STAG1: variants seen among roughly 807,000 people sequenced by gnomAD.
STAG1 encodes the protein STAG1 cohesin complex component, also known as cohesin subunit SA-1.
A neutral mutation model predicts 170.9 loss-of-function variants in STAG1; 26 were observed. The observed-to-expected ratio is 0.15, with a 90% CI of 0.11 to 0.21. The LOEUF (loss-of-function observed/expected upper bound fraction) is 0.21, where lower values mean the gene tolerates loss of function less well. Among genes scored for constraint, STAG1 ranks in the 10% least tolerant of loss-of-function variants. The probability of loss-of-function intolerance (pLI) is 1.00; values close to 1 mark genes in which losing one functional copy is unlikely to be tolerated. For synonymous variants in STAG1, 514 were observed against 497.7 expected (o/e 1.03, Z -0.44); for missense variants, 964 against 1,509.5 (o/e 0.64, Z 5.99).
intron 21 of STAG1, among the ~76,000 whole-genome samples, chr3:136,404,863 A>ATGTGTGTG (rs34596713): frequency 8.1e-5 from 12 of 148,908 alleles, no homozygotes; most frequent in Admixed American, 1.3e-4. Context: ...TTATGCATAT[A>ATGTGTGTG]TGTGTGTGTG....
intron 2 of STAG1, among the ~76,000 whole-genome samples, chr3:136,629,774 C>A (rs907073447): frequency 3.3e-5 from 5 of 152,172 alleles, no homozygotes; most frequent in Admixed American, 3.3e-4. Flanking sequence ...GTGCTCATCA[C>A]TTTTATTATA....
chr3:136,611,901 G>A lies in STAG1; in HGVS notation c.133-7428C>T, dbSNP rs1939306671. On this transcript the variant is annotated intron_variant, in intron 3 of 33. Coordinates refer to ENST00000383202, the MANE Select transcript of STAG1 (RefSeq NM_005862.3). ...CTCGCTCTGTCGCCCAGGCTGAAGT[G>A]CAGTGGCGCGATCTCGGCTCACCGC... Among the ~76,000 whole-genome samples, 3 of 151,630 alleles carry A rather than the reference G, an allele frequency of 2.0e-5. No individual in the cohort carries two copies. In the South Asian group the frequency reaches 6.2e-4, roughly 32 times the overall value.
rs530952934 is a variant in STAG1 at position 136,469,907 on chromosome 3, G to A, written c.1205+2506C>T. On this transcript the variant is annotated intron_variant, in intron 12 of 33. Coordinates refer to ENST00000383202, the MANE Select transcript of STAG1 (RefSeq NM_005862.3). ...GGAAAGGATTCCCTATTTAATGAATGGTGCTGGGAAAACTGGCTAGCCACA... is the reference window on the plus strand; with the variant it reads ...GGAAAGGATTCCCTATTTAATGAATAGTGCTGGGAAAACTGGCTAGCCACA... Among the ~76,000 whole-genome samples, 5 of 152,302 alleles carry A rather than the reference G, an allele frequency of 3.3e-5. No homozygotes were observed. In the East Asian group the frequency reaches 9.6e-4, roughly 29 times the overall value.
At chr3:136,436,913 A>G (rs1340764408) in intron 15 of STAG1, among the ~76,000 whole-genome samples, 1 of 152,240 alleles carries the variant, frequency 6.6e-6, no homozygotes, top group Non-Finnish European at 1.5e-5. Context: ...TTATCTTAGG[A>G]AAAACAAATG....
chr3:136,352,189 TCTCA>T (rs1936459929), intron 28 of STAG1, among the ~76,000 whole-genome samples: 1 of 152,178 alleles, frequency 6.6e-6, no homozygotes. Context: ...TGAGATAAGG[TCTCA>T]CTCTGTCACC....
At chr3:136,377,788 C>T in intron 22 of STAG1, 36 bp from the exon 23 acceptor site, 1 of 1,547,004 alleles carries the variant, frequency 6.5e-7, no homozygotes, top group African/African-American at 1.4e-5. Flanking sequence ...GCGTGAATTA[C>T]AGGATCACAG....
At chr3:136,667,487 G>A (rs894123821) in intron 1 of STAG1, among the ~76,000 whole-genome samples, 1 of 152,112 alleles carries the variant, frequency 6.6e-6, no homozygotes, top group East Asian at 1.9e-4. Flanking sequence ...ATATGAAAAT[G>A]GTTTTCTTAG....
intron 22 of STAG1, among the ~76,000 whole-genome samples, chr3:136,382,902 T>C (rs1000699623): frequency 2.6e-5 from 4 of 152,208 alleles, no homozygotes; most frequent in African/African-American, 4.8e-5. Context: ...AGCACAGATA[T>C]TGTATACTTA....
At chr3:136,694,457 TA>T (rs564479365) in intron 1 of STAG1, among the ~76,000 whole-genome samples, 1 of 149,816 alleles carries the variant, frequency 6.7e-6, no homozygotes, top group Non-Finnish European at 1.5e-5. Flanking sequence ...CTCAACAAAA[TA>T]AAAAAAAATT....
intron 16 of STAG1, among the ~76,000 whole-genome samples, chr3:136,430,528 G>A (rs764058482): frequency 4.0e-5 from 6 of 150,910 alleles, no homozygotes; most frequent in Non-Finnish European, 7.4e-5. Flanking sequence ...ACTTAAATCA[G>A]GGGTATCCAA....
chr3:136,654,160 T>A (rs1005011686), intron 1 of STAG1, among the ~76,000 whole-genome samples: 12 of 152,078 alleles, frequency 7.9e-5, no homozygotes, highest in African/African-American at 2.9e-4. Flanking sequence ...GAAAAAGAAA[T>A]TAAAATAAAA....
chr3:136,463,790 CATAT>C (rs372374909), intron 13 of STAG1, among the ~76,000 whole-genome samples: 23,680 of 135,552 alleles, frequency 0.17, 2,498 homozygotes, highest in Middle Eastern at 0.24. Context: ...CACACACACA[CATAT>C]ACATATACAT....
At chr3:136,679,426 T>C (rs1942256085) in intron 1 of STAG1, among the ~76,000 whole-genome samples, 1 of 148,534 alleles carries the variant, frequency 6.7e-6, no homozygotes, top group Non-Finnish European at 1.5e-5. Context: ...CAAAAAAAAA[T>C]ACAAAAATTA....
intron 9 of STAG1, among the ~76,000 whole-genome samples, chr3:136,489,954 T>C (rs2090090954): frequency 6.6e-6 from 1 of 152,342 alleles, no homozygotes; most frequent in East Asian, 1.9e-4. Flanking sequence ...CCCGAAGAGC[T>C]GAAACTGTGT....
Position 136,447,786 on chromosome 3 carries a change from T to A in STAG1, c.1428+4247A>T, listed in dbSNP as rs142493574. 9.2e-3 allele frequency among the ~76,000 whole-genome samples: 1,404 copies of A among 151,812 alleles called. 28 individuals carry two copies. The highest frequency in any genetic ancestry group is 0.03 in the African/African-American group (1,254 of 41,368). Reference sequence around the variant, plus strand: ...GTGCCCGCCACCAGGCCCAGCTAATTTTTTGCATTTTTAGTAGAGACGGGG... The same window carrying A: ...GTGCCCGCCACCAGGCCCAGCTAATATTTTGCATTTTTAGTAGAGACGGGG... On this transcript the variant is annotated intron_variant, in intron 14 of 33. Transcript: ENST00000383202.
chr3:136,372,970 T>C lies in STAG1; in HGVS notation c.2371-3688A>G, dbSNP rs546020888. ...CTGGTAGAATTCGGCTGTGAATCCATCTGGTCCTGGACTTTTTTTGGTTGG... is the reference window on the plus strand; with the variant it reads ...CTGGTAGAATTCGGCTGTGAATCCACCTGGTCCTGGACTTTTTTTGGTTGG... On this transcript the variant is annotated intron_variant, in intron 23 of 33. Coordinates refer to ENST00000383202, the MANE Select transcript of STAG1 (RefSeq NM_005862.3). 7.2e-3 allele frequency among the ~76,000 whole-genome samples: 1,091 copies of C among 152,278 alleles called. 22 individuals carry two copies. Among genetic ancestry groups the C allele is most frequent in the African/African-American group, 0.024 (983 of 41,562 alleles).
intron 4 of STAG1, among the ~76,000 whole-genome samples, chr3:136,603,624 C>A (rs1253330358): frequency 6.6e-6 from 1 of 152,122 alleles, no homozygotes; most frequent in African/African-American, 2.4e-5. Flanking sequence ...GTGGCTCACG[C>A]CTGTAATCCC....
intron 15 of STAG1, among the ~76,000 whole-genome samples, chr3:136,436,826 A>G (rs2088476273): frequency 6.6e-6 from 1 of 152,218 alleles, no homozygotes; most frequent in Non-Finnish European, 1.5e-5. Context: ...TACCAAAATT[A>G]TCTTGTAAAA....
At position 136,741,177 on chromosome 3, in the gene STAG1, G is replaced by A. The variant is rs564923462; in HGVS notation, c.-84+11018C>T. ...AAAGATCTGAGTTTCTCTAAGCTTG[G>A]GATTTCACTACTTGTGCAGGTTTCA... On this transcript the variant is annotated intron_variant, in intron 1 of 33. Coordinates refer to ENST00000383202, the MANE Select transcript of STAG1 (RefSeq NM_005862.3). Among the ~76,000 whole-genome samples the A allele has an allele frequency of 1.3e-4, 20 of 152,260 alleles. No homozygotes were observed. The South Asian group carries it at 3.9e-3, about 30-fold the overall frequency.
Sources: gnomAD v4.1 joint callset for allele counts (sites outside exome capture counted in the v4.1 genomes callset) on GRCh38, gnomAD v4.1.1 for gene constraint, MANE v1.5 for transcripts, NCBI Gene and HGNC (gene_info 2026-07-23, HGNC 2026-07-21) for gene names.